Variants in PINX1 observed in about 807,000 individuals in gnomAD.
PINX1 encodes PIN2/TERF1-interacting telomerase inhibitor 1.
PINX1 carries 34 observed loss-of-function variants against 25.4 expected under a neutral mutation model. The observed-to-expected ratio is 1.34, with a 90% confidence interval of 1.02 to 1.78. The LOEUF is 1.78. Ranked by LOEUF, PINX1 falls within the 40% of genes most tolerant of loss-of-function variation. PINX1 has a pLI of 0.00. For missense variants in PINX1, 592 were observed against 404.9 expected (o/e 1.46, Z -3.97); for synonymous variants, 197 against 147.7 (o/e 1.33, Z -2.42).
At chr8:10,781,736 G>C (rs1242859299) in intron 6 of PINX1, among the ~76,000 whole-genome samples, 3 of 147,240 alleles carry the variant, frequency 2.0e-5, no homozygotes, top group African/African-American at 7.8e-5. Flanking sequence ...CACTGCTGAT[G>C]GGAATGCAGA....
intron 6 of PINX1, among the ~76,000 whole-genome samples, chr8:10,799,710 T>G (rs1486299771): frequency 6.6e-6 from 1 of 152,188 alleles, no homozygotes; most frequent in Non-Finnish European, 1.5e-5. Flanking sequence ...TCCCTGCATG[T>G]CTGAGTGACG....
intron 6 of PINX1, among the ~76,000 whole-genome samples, chr8:10,808,153 A>T (rs952080171): frequency 6.6e-6 from 1 of 152,246 alleles, no homozygotes; most frequent in Non-Finnish European, 1.5e-5. Flanking sequence ...ATAAACCCCA[A>T]ATAACAAATT....
chr8:10,791,332 T>C (rs1346338538), intron 6 of PINX1, among the ~76,000 whole-genome samples: 1 of 152,232 alleles, frequency 6.6e-6, no homozygotes, highest in Non-Finnish European at 1.5e-5. Context: ...CTGAAGCCTC[T>C]AGTGACTCCC....
intron 6 of PINX1, among the ~76,000 whole-genome samples, chr8:10,768,465 G>A (rs986994610): frequency 1.3e-5 from 2 of 152,206 alleles, no homozygotes; most frequent in African/African-American, 2.4e-5. Flanking sequence ...CAGAAAGTAA[G>A]TATGCTCATA....
chr8:10,795,892 G>A (rs1398800012), intron 6 of PINX1, among the ~76,000 whole-genome samples: 5 of 151,590 alleles, frequency 3.3e-5, no homozygotes, highest in Non-Finnish European at 4.4e-5. Context: ...TTTTCATGAT[G>A]CCTAAGCTTC....
chr8:10,765,490 T>TC lies in PINX1; in HGVS notation c.897dup (p.Lys300GlufsTer54), dbSNP rs775424693. 5.6e-6 allele frequency: 9 copies of TC among 1,613,654 alleles called. No homozygotes were observed. In the African/African-American group the frequency reaches 1.2e-4, roughly 21 times the overall value. On this transcript the variant is annotated frameshift_variant, in exon 7 of 7. Coordinates refer to ENST00000314787, the MANE Select transcript of PINX1 (RefSeq NM_017884.6). LOFTEE classifies it low-confidence loss of function (END_TRUNC). ...ATCTCTACTGGTTTTTGCAGCTTTTTCTTCCCTCTCCTCTTTTTGGGCTTC... is the reference window on the plus strand; with the variant it reads ...ATCTCTACTGGTTTTTGCAGCTTTTTCCTTCCCTCTCCTCTTTTTGGGCTTC...
chr8:10,815,015 CT>C (rs1432056713), intron 6 of PINX1, among the ~76,000 whole-genome samples: 39 of 152,330 alleles, frequency 2.6e-4, no homozygotes, highest in Non-Finnish European at 4.7e-4. Context: ...TGATAGCTCA[CT>C]GCAGCCTCAA....
At chr8:10,838,467 C>A (rs1798471865) in intron 1 of PINX1, among the ~76,000 whole-genome samples, 2 of 152,132 alleles carry the variant, frequency 1.3e-5, no homozygotes, top group South Asian at 2.1e-4. Flanking sequence ...TCATGTTCAC[C>A]ATCTCACTGA....
intron 6 of PINX1, among the ~76,000 whole-genome samples, chr8:10,802,706 G>A (rs1802307498): frequency 6.6e-6 from 1 of 152,168 alleles, no homozygotes; most frequent in African/African-American, 2.4e-5. Flanking sequence ...GGTCCCATGG[G>A]ATCTGGGCGA....
At chr8:10,825,815 A>C (rs7824384) in intron 5 of PINX1, among the ~76,000 whole-genome samples, 31,416 of 152,158 alleles carry the variant, frequency 0.21, 3,354 homozygotes, top group Middle Eastern at 0.29. Context: ...GCAGCTAAAA[A>C]TGTTGGGCAA....
chr8:10,781,695 G>A (rs903965644), intron 6 of PINX1, among the ~76,000 whole-genome samples: 3 of 152,118 alleles, frequency 2.0e-5, no homozygotes, highest in East Asian at 3.8e-4. Flanking sequence ...AATAAGTGTT[G>A]GCAAGAGTGT....
chr8:10,793,061 A>G (rs984692353), intron 6 of PINX1, among the ~76,000 whole-genome samples: 5 of 152,104 alleles, frequency 3.3e-5, no homozygotes, highest in African/African-American at 1.2e-4. Context: ...GACCCTCGCT[A>G]ACATCTACTG....
chr8:10,773,301 G>A (rs1418819389), intron 6 of PINX1, among the ~76,000 whole-genome samples: 1 of 152,188 alleles, frequency 6.6e-6, no homozygotes, highest in Non-Finnish European at 1.5e-5. Context: ...TCTGTCTCCT[G>A]CCAACGACAG....
At chr8:10,782,802 G>C (rs1801629247) in intron 6 of PINX1, among the ~76,000 whole-genome samples, 1 of 152,110 alleles carries the variant, frequency 6.6e-6, no homozygotes. Flanking sequence ...CACCAATAAA[G>C]ATAATAGCTG....
chr8:10,810,233 G>A (rs981524609), intron 6 of PINX1, among the ~76,000 whole-genome samples: 28 of 152,232 alleles, frequency 1.8e-4, no homozygotes, highest in African/African-American at 6.5e-4. Context: ...AACCATATCA[G>A]AAGCCTTCAG....
chr8:10,792,164 C>T (rs546530658), intron 6 of PINX1, among the ~76,000 whole-genome samples: 5 of 152,244 alleles, frequency 3.3e-5, no homozygotes, highest in East Asian at 1.9e-4. Flanking sequence ...CAGCAGGCCC[C>T]GCAGATGCGC....
chr8:10,831,838 A>T, intron 3 of PINX1, 95 bp from the exon 4 acceptor site: 1 of 697,028 alleles, frequency 1.4e-6, no homozygotes, highest in South Asian at 1.7e-5. Context: ...TCCAGTGGTT[A>T]ATTAAGAAAT....
intron 6 of PINX1, among the ~76,000 whole-genome samples, chr8:10,794,165 G>A (rs902662082): frequency 2.0e-5 from 3 of 152,084 alleles, no homozygotes; most frequent in African/African-American, 7.2e-5. Context: ...GGCAGTGAAG[G>A]GGTATTTTTA....
intron 6 of PINX1, among the ~76,000 whole-genome samples, chr8:10,809,389 A>G (rs1219433647): frequency 6.6e-6 from 1 of 152,258 alleles, no homozygotes; most frequent in East Asian, 1.9e-4. Flanking sequence ...GACCACTGAC[A>G]GAACAGGCCC....
Sources: allele counts gnomAD v4.1 joint callset (sites outside exome capture counted in the v4.1 genomes callset), GRCh38; gene constraint gnomAD v4.1.1; transcripts MANE v1.5; gene names NCBI Gene and HGNC (gene_info 2026-07-23, HGNC 2026-07-21).